The following STAM variants were observed in gnomAD, a reference collection of about 807,000 sequenced individuals.
STAM encodes the protein signal transducing adaptor molecule.
In STAM, 16 loss-of-function variants were observed where a neutral mutation model predicts 63.4. The observed-to-expected ratio is 0.25, with a 90% confidence interval of 0.17 to 0.38. The LOEUF (loss-of-function observed/expected upper bound fraction) is 0.38, where lower values mean the gene tolerates loss of function less well. Ranked by LOEUF, STAM falls within the 10% of genes least tolerant of loss-of-function variation. The pLI is 1.00. For synonymous variants in STAM, 238 were observed against 223.9 expected (o/e 1.06, Z -0.56); for missense variants, 636 against 657.1 (o/e 0.97, Z 0.35).
At chr10:17,679,469 C>T (rs1023628696) in intron 2 of STAM, among the ~76,000 whole-genome samples, 1 of 151,950 alleles carries the variant, frequency 6.6e-6, no homozygotes, top group Non-Finnish European at 1.5e-5. Context: ...AATCTCTTGT[C>T]ATATATATGA....
chr10:17,711,169 A>G (rs972742426), intron 13 of STAM, among the ~76,000 whole-genome samples: 5 of 152,322 alleles, frequency 3.3e-5, no homozygotes, highest in East Asian at 3.9e-4. Context: ...CTGAGAGGCT[A>G]TCTCTTGTTA....
intron 1 of STAM, among the ~76,000 whole-genome samples, chr10:17,649,339 T>A (rs1429847031): frequency 6.6e-6 from 1 of 151,118 alleles, no homozygotes; most frequent in African/African-American, 2.4e-5. Context: ...AGGTCAAGGC[T>A]GCAGTGAGCT....
chr10:17,674,041 G>C (rs1834750727), intron 2 of STAM, among the ~76,000 whole-genome samples: 1 of 152,142 alleles, frequency 6.6e-6, no homozygotes, highest in African/African-American at 2.4e-5. Flanking sequence ...AAGAGAGCAG[G>C]GTTTTGAGAA....
chr10:17,665,602 T>C (rs564717283), intron 2 of STAM, among the ~76,000 whole-genome samples: 1 of 152,214 alleles, frequency 6.6e-6, no homozygotes, highest in Admixed American at 6.5e-5. Context: ...CTATTAGTAT[T>C]GGACAAATTT....
intron 13 of STAM, among the ~76,000 whole-genome samples, chr10:17,712,976 G>A (rs947271057): frequency 2.0e-5 from 3 of 152,048 alleles, no homozygotes; most frequent in African/African-American, 7.2e-5. Context: ...AAAGAAATGA[G>A]GTTATGAGGC....
intron 9 of STAM, among the ~76,000 whole-genome samples, chr10:17,702,599 A>G (rs1338712149): frequency 1.3e-5 from 2 of 152,220 alleles, no homozygotes; most frequent in African/African-American, 4.8e-5. Flanking sequence ...GCTTTTAGCA[A>G]TCTTTTATGG....
At chr10:17,682,146 C>T (rs541640701) in intron 2 of STAM, among the ~76,000 whole-genome samples, 251 of 152,234 alleles carry the variant, frequency 1.6e-3, no homozygotes, top group Non-Finnish European at 2.9e-3. Context: ...TAATCACTCC[C>T]AAAAGTTCCT....
intron 13 of STAM, among the ~76,000 whole-genome samples, chr10:17,711,925 T>C (rs2131704058): frequency 6.6e-6 from 1 of 152,292 alleles, no homozygotes; most frequent in Middle Eastern, 3.4e-3. Context: ...AAATTATGAG[T>C]ATTTGTTGGC....
Position 17,666,387 on chromosome 10 carries a change from A to ATTTTTTTTTTTT in STAM, c.125+5853_125+5864dup, listed in dbSNP as rs10673746. ...TAAAAATGTTTTTCCTTGGCTTTGT[A>ATTTTTTTTTTTT]TTTTTTTTTTTTTTTTTTTTTTTTT... is the stretch of plus-strand genomic sequence containing the variant. On this transcript the variant is annotated intron_variant, in intron 2 of 13. Coordinates refer to ENST00000377524, the MANE Select transcript of STAM (RefSeq NM_003473.4). Among the ~76,000 whole-genome samples, 66 of 85,904 alleles carry ATTTTTTTTTTTT rather than the reference A, an allele frequency of 7.7e-4. 2 individuals carry two copies. Among genetic ancestry groups the ATTTTTTTTTTTT allele is most frequent in the African/African-American group, 3.2e-3 (64 of 19,966 alleles). 56.4% of individuals were successfully genotyped at this position (85,904 alleles called of 152,430 possible).
chr10:17,646,145 A>G (rs529093538), intron 1 of STAM, among the ~76,000 whole-genome samples: 36 of 152,228 alleles, frequency 2.4e-4, no homozygotes, highest in Non-Finnish European at 4.3e-4. Flanking sequence ...TCAGAATCCA[A>G]CTTGTTACAC....
chr10:17,699,508 G>A (rs1835899368), intron 8 of STAM, among the ~76,000 whole-genome samples: 1 of 152,148 alleles, frequency 6.6e-6, no homozygotes, highest in African/African-American at 2.4e-5. Context: ...GATTGCTTTG[G>A]TGAGTAGGAG....
At chr10:17,652,634 G>A (rs1286613465) in intron 1 of STAM, among the ~76,000 whole-genome samples, 1 of 151,968 alleles carries the variant, frequency 6.6e-6, no homozygotes, top group Non-Finnish European at 1.5e-5. Context: ...TAGAATTTAA[G>A]TGTGTTCTTT....
intron 5 of STAM, among the ~76,000 whole-genome samples, chr10:17,689,837 A>G (rs2131642617): frequency 6.6e-6 from 1 of 152,256 alleles, no homozygotes; most frequent in Middle Eastern, 3.4e-3. Context: ...CTCCAGACCT[A>G]TGGGTTCATT....
At chr10:17,665,617 A>G (rs1831187182) in intron 2 of STAM, among the ~76,000 whole-genome samples, 1 of 152,148 alleles carries the variant, frequency 6.6e-6, no homozygotes, top group Non-Finnish European at 1.5e-5. Flanking sequence ...AAATTTGGAA[A>G]TTATTTTCTA....
intron 13 of STAM, among the ~76,000 whole-genome samples, chr10:17,710,668 A>G (rs1282129122): frequency 6.6e-6 from 1 of 151,990 alleles, no homozygotes; most frequent in Non-Finnish European, 1.5e-5. Flanking sequence ...ACTTGTTTGT[A>G]TCCCCACTGA....
chr10:17,684,601 T>C (rs546119073), intron 2 of STAM, 74 bp from the exon 3 acceptor site: 35 of 1,161,468 alleles, frequency 3.0e-5, no homozygotes, highest in African/African-American at 3.0e-4. Context: ...CGTAGTCTTT[T>C]GTCTATAACA....
chr10:17,701,264 T>C (rs1333295301), intron 9 of STAM, among the ~76,000 whole-genome samples: 1 of 128,712 alleles, frequency 7.8e-6, no homozygotes, highest in Non-Finnish European at 1.8e-5. Context: ...TTTAAGCGTG[T>C]TTATGAAAAA....
rs1296116904 is a variant in STAM, at chr10:17,716,133, A to T, written c.*1353A>T. On this transcript the variant is annotated 3_prime_UTR_variant, in exon 14 of 14. Transcript: ENST00000377524. ...ACGATTTCCCTGGTTGGGCTATACT[A>T]TTATTTTAGCACTATTTAAACAACG... 6.7e-6 allele frequency among the ~76,000 whole-genome samples: 1 copy of T among 148,698 alleles called. No homozygotes were observed. The highest frequency in any genetic ancestry group is 1.5e-5 in the Non-Finnish European group (1 of 65,546).
intron 13 of STAM, among the ~76,000 whole-genome samples, chr10:17,709,601 T>G (rs1378501680): frequency 1.3e-5 from 2 of 151,836 alleles, no homozygotes; most frequent in Non-Finnish European, 1.5e-5. Flanking sequence ...AGCTGAAATC[T>G]TTTCCTTGAA....
Sources: gnomAD v4.1 joint callset for allele counts (sites outside exome capture counted in the v4.1 genomes callset) on GRCh38, gnomAD v4.1.1 for gene constraint, MANE v1.5 for transcripts, NCBI Gene and HGNC (gene_info 2026-07-23, HGNC 2026-07-21) for gene names.